HOMER1: variants seen among roughly 807,000 people sequenced by gnomAD.
The protein encoded by HOMER1 is homer scaffold protein 1.
A neutral mutation model predicts 48.9 loss-of-function variants in HOMER1; 3 were observed. That is an observed-to-expected ratio of 0.06 (90% CI 0.03 to 0.16). The LOEUF (loss-of-function observed/expected upper bound fraction) is 0.16, where lower values mean the gene tolerates loss of function less well. HOMER1 is among the 10% of genes least tolerant of loss of function. The pLI is 1.00. For synonymous variants in HOMER1, 134 were observed against 146.4 expected (o/e 0.92, Z 0.61); for missense variants, 247 against 411.4 (o/e 0.60, Z 3.46).
intron 1 of HOMER1, among the ~76,000 whole-genome samples, chr5:79,493,321 T>C (rs1289681650): frequency 6.6e-6 from 1 of 152,204 alleles, no homozygotes. Context: ...TAATCTCAGC[T>C]GGGACCTTTA....
intron 1 of HOMER1, among the ~76,000 whole-genome samples, chr5:79,492,843 C>A (rs1752319912): frequency 6.9e-6 from 1 of 144,804 alleles, no homozygotes; most frequent in South Asian, 2.2e-4. Flanking sequence ...TAGAACACTA[C>A]AAAAATGCCA....
At chr5:79,500,927 T>TTTTG (rs1554063970) in intron 1 of HOMER1, among the ~76,000 whole-genome samples, 3,300 of 123,430 alleles carry the variant, frequency 0.027, 33 homozygotes, top group African/African-American at 0.036. Context: ...ACCCAGCCAT[T>TTTTG]TGTGTGTGTG....
intron 3 of HOMER1, among the ~76,000 whole-genome samples, chr5:79,450,059 G>A (rs1750991231): frequency 6.6e-6 from 1 of 152,144 alleles, no homozygotes; most frequent in South Asian, 2.1e-4. Flanking sequence ...TATAAACACT[G>A]TATATCTACA....
At chr5:79,388,717 T>C (rs1749177744) in intron 8 of HOMER1, among the ~76,000 whole-genome samples, 1 of 152,024 alleles carries the variant, frequency 6.6e-6, no homozygotes, top group East Asian at 1.9e-4. Flanking sequence ...AACCGAGTTA[T>C]AAGGACCCAA....
intron 8 of HOMER1, among the ~76,000 whole-genome samples, chr5:79,386,674 A>C (rs562403519): frequency 6.6e-6 from 1 of 152,282 alleles, no homozygotes; most frequent in East Asian, 1.9e-4. Flanking sequence ...TACCTCGAAC[A>C]CCCTGACTTG....
chr5:79,418,952 A>G (rs974294593), intron 5 of HOMER1, among the ~76,000 whole-genome samples: 11 of 152,216 alleles, frequency 7.2e-5, no homozygotes, highest in African/African-American at 2.7e-4. Flanking sequence ...TCAAAAGGAA[A>G]AGTTGGGATC....
At chr5:79,463,082 C>G (rs1396595537) in intron 1 of HOMER1, among the ~76,000 whole-genome samples, 1 of 152,132 alleles carries the variant, frequency 6.6e-6, no homozygotes, top group East Asian at 1.9e-4. Flanking sequence ...AGAAATAAGG[C>G]TGGTAATATT....
At chr5:79,411,678 A>G (rs887305881) in intron 5 of HOMER1, among the ~76,000 whole-genome samples, 1 of 152,198 alleles carries the variant, frequency 6.6e-6, no homozygotes, top group Admixed American at 6.5e-5. Context: ...TGCAGAGTCT[A>G]AGAAAGCTGC....
intron 8 of HOMER1, among the ~76,000 whole-genome samples, chr5:79,383,843 T>C (rs1749041942): frequency 6.6e-6 from 1 of 151,918 alleles, no homozygotes; most frequent in African/African-American, 2.4e-5. Context: ...CAGAAATCAA[T>C]ACCAAGAAAA....
chr5:79,388,262 G>A (rs1371819612), intron 8 of HOMER1, among the ~76,000 whole-genome samples: 1 of 152,068 alleles, frequency 6.6e-6, no homozygotes, highest in Admixed American at 6.6e-5. Context: ...CGGGGTAAAG[G>A]GAAAAATAAG....
At chr5:79,452,954 C>T (rs963280510) in intron 2 of HOMER1, among the ~76,000 whole-genome samples, 1 of 141,078 alleles carries the variant, frequency 7.1e-6, no homozygotes, top group African/African-American at 2.8e-5. Flanking sequence ...ATAGGAAGGA[C>T]TTTATCAACA....
At chr5:79,463,543 A>T (rs758010822) in intron 1 of HOMER1, among the ~76,000 whole-genome samples, 3 of 152,212 alleles carry the variant, frequency 2.0e-5, no homozygotes, top group Non-Finnish European at 4.4e-5. Flanking sequence ...CTTCTATATG[A>T]TAATACGTTT....
At chr5:79,383,795 C>T (rs981948011) in intron 8 of HOMER1, among the ~76,000 whole-genome samples, 4 of 151,994 alleles carry the variant, frequency 2.6e-5, no homozygotes, top group African/African-American at 4.8e-5. Context: ...AAATCGAAAT[C>T]GTATTAATTA....
chr5:79,413,693 TA>T (rs34091926), intron 5 of HOMER1, among the ~76,000 whole-genome samples: 36,300 of 141,524 alleles, frequency 0.26, 6,935 homozygotes, highest in African/African-American at 0.53. Context: ...AATTTTAACG[TA>T]AAAAAAAAAA....
intron 6 of HOMER1, among the ~76,000 whole-genome samples, chr5:79,401,383 A>T (rs1378919184): frequency 6.6e-6 from 1 of 152,194 alleles, no homozygotes; most frequent in Non-Finnish European, 1.5e-5. Context: ...TGGAAGAAGG[A>T]AATAACTTAT....
intron 1 of HOMER1, among the ~76,000 whole-genome samples, chr5:79,458,742 T>C (rs1171560318): frequency 2.0e-5 from 3 of 152,148 alleles, no homozygotes. Context: ...GTGGAGCCAT[T>C]ACTTCTTGTT....
chr5:79,448,569 T>C (rs899767966), intron 3 of HOMER1, among the ~76,000 whole-genome samples: 2 of 152,158 alleles, frequency 1.3e-5, no homozygotes, highest in Non-Finnish European at 2.9e-5. Context: ...GATGGTACTT[T>C]CCCTTATTTT....
chr5:79,512,701 C>A (rs935811316), intron 1 of HOMER1, 69 bp downstream of exon 1: 4 of 1,447,620 alleles, frequency 2.8e-6, no homozygotes, highest in Non-Finnish European at 3.9e-6. Context: ...AAAACACAAT[C>A]ACCACCACCG....
At chr5:79,501,632 G>A (rs778739641) in intron 1 of HOMER1, among the ~76,000 whole-genome samples, 18 of 152,198 alleles carry the variant, frequency 1.2e-4, no homozygotes, top group African/African-American at 2.7e-4. Context: ...TTAAGTCGTT[G>A]TAAACTACTA....
Sources: allele counts gnomAD v4.1 joint callset (sites outside exome capture counted in the v4.1 genomes callset), GRCh38; gene constraint gnomAD v4.1.1; transcripts MANE v1.5; gene names NCBI Gene and HGNC (gene_info 2026-07-23, HGNC 2026-07-21).